Variants in ATAD2B observed in about 807,000 individuals in gnomAD.
ATAD2B encodes the protein ATPase family AAA domain-containing protein 2B.
A neutral mutation model predicts 167.6 loss-of-function variants in ATAD2B; 40 were observed. The ratio of observed to expected loss-of-function variants is 0.24; its 90% CI spans 0.19 to 0.31. ATAD2B has a LOEUF of 0.31. Among genes scored for constraint, ATAD2B ranks in the 10% least tolerant of loss-of-function variants. ATAD2B has a pLI of 1.00. For synonymous variants in ATAD2B, 579 were observed against 596.5 expected (o/e 0.97, Z 0.43); for missense variants, 1,242 against 1,757.2 (o/e 0.71, Z 5.24).
chr2:23,912,298 G>A (rs1402712348), intron 1 of ATAD2B, among the ~76,000 whole-genome samples: 1 of 151,862 alleles, frequency 6.6e-6, no homozygotes, highest in East Asian at 1.9e-4. Context: ...GGAATTTGAG[G>A]CCAGCCTGGG....
chr2:23,822,405 C>T (rs577992943), intron 16 of ATAD2B, among the ~76,000 whole-genome samples: 7 of 152,070 alleles, frequency 4.6e-5, no homozygotes, highest in East Asian at 2.0e-4. Context: ...ATTAGCTGGG[C>T]GTGGCGGCAC....
intron 13 of ATAD2B, among the ~76,000 whole-genome samples, chr2:23,844,058 C>T (rs898902115): frequency 6.6e-6 from 1 of 152,162 alleles, no homozygotes; most frequent in Non-Finnish European, 1.5e-5. Context: ...CTTGCTTCAG[C>T]CTCCCAAGTA....
At chr2:23,883,395 T>C (rs1412613083) in intron 6 of ATAD2B, among the ~76,000 whole-genome samples, 1 of 152,000 alleles carries the variant, frequency 6.6e-6, no homozygotes, top group East Asian at 1.9e-4. Context: ...ACAAATACAG[T>C]ATTTATCTAA....
chr2:23,901,283 A>G (rs945739581), intron 1 of ATAD2B: 1 of 152,114 alleles, frequency 6.6e-6, no homozygotes, highest in Non-Finnish European at 1.5e-5. Context: ...TACTGTACCA[A>G]TTTAGATAGC....
At chr2:23,858,313 G>T (rs1022125085) in intron 12 of ATAD2B, among the ~76,000 whole-genome samples, 4 of 151,342 alleles carry the variant, frequency 2.6e-5, no homozygotes, top group Admixed American at 6.6e-5. Flanking sequence ...TAGAGATGGG[G>T]TTTCATCATG....
intron 1 of ATAD2B, among the ~76,000 whole-genome samples, chr2:23,914,388 G>A (rs925330638): frequency 2.6e-5 from 4 of 152,050 alleles, no homozygotes; most frequent in African/African-American, 7.2e-5. Context: ...AACTCCAGTA[G>A]AAAATAGCAA....
In ATAD2B at chr2:23,864,382, T is replaced by G. The variant is rs888933800; in HGVS notation, c.1304+427A>C. Among the ~76,000 whole-genome samples the G allele has an allele frequency of 2.0e-5, 3 of 152,302 alleles. No homozygotes were observed. In the East Asian group the frequency reaches 5.8e-4, roughly 29 times the overall value. ...AATAGTTCCCCAGCTATCCACCTCATGATCAGGCACAATCTGTTCCTACAA... is the reference window on the plus strand; with the variant it reads ...AATAGTTCCCCAGCTATCCACCTCAGGATCAGGCACAATCTGTTCCTACAA... On this transcript the variant is annotated intron_variant, in intron 11 of 27. Transcript: ENST00000238789.
At chr2:23,836,520 T>C (rs768627142) in intron 13 of ATAD2B, among the ~76,000 whole-genome samples, 43 of 152,144 alleles carry the variant, frequency 2.8e-4, no homozygotes, top group Admixed American at 7.9e-4. Context: ...ATCTGACAGG[T>C]CCCGAGTTCT....
the ATAD2B span, among the ~76,000 whole-genome samples, chr2:23,682,257 G>A: frequency 3.9e-5 from 6 of 151,926 alleles, no homozygotes; most frequent in East Asian, 3.9e-4. This position sits in a 1 kb window ranked among gnomAD's most constrained non-coding sequence, Gnocchi z 4.1. Context: ...ACTCCCACCC[G>A]CTGAGCGCTC....
At chr2:23,754,023 CTG>C (rs1297131053) in intron 27 of ATAD2B, among the ~76,000 whole-genome samples, 154 bp downstream of exon 27, 1 of 152,166 alleles carries the variant, frequency 6.6e-6, no homozygotes, top group African/African-American at 2.4e-5. Context: ...ATTCTTCAAA[CTG>C]TAACTCTTAA....
chr2:23,696,431 C>T, the ATAD2B span: 3 of 1,551,410 alleles, frequency 1.9e-6, no homozygotes, highest in Non-Finnish European at 2.6e-6. The surrounding 1 kb of genome is among the most constrained non-coding windows in gnomAD (Gnocchi z 5.5). Flanking sequence ...CCCCCGCTGT[C>T]GGCACAATAG....
the ATAD2B span, chr2:23,706,582 C>T: frequency 1.3e-6 from 2 of 1,537,190 alleles, no homozygotes; most frequent in South Asian, 2.4e-5. Context: ...ACAACCAACA[C>T]ATGGACCCTC....
At chr2:23,882,502 TAAAAAAAAAAAA>T (rs770725105) in intron 6 of ATAD2B, among the ~76,000 whole-genome samples, 3 of 92,200 alleles carry the variant, frequency 3.3e-5, no homozygotes, top group African/African-American at 8.3e-5. Context: ...AGCCTCTATT[TAAAAAAAAAAAA>T]AAAAAAAAAA....
chr2:23,736,999 G>A, the ATAD2B span, among the ~76,000 whole-genome samples: 1 of 152,228 alleles, frequency 6.6e-6, no homozygotes, highest in Non-Finnish European at 1.5e-5. Context: ...TGGGGGAGGG[G>A]CGCCTGCATT....
chr2:23,909,769 A>G (rs565488540), intron 1 of ATAD2B, among the ~76,000 whole-genome samples: 2 of 152,320 alleles, frequency 1.3e-5, no homozygotes, highest in South Asian at 4.1e-4. Flanking sequence ...AAAACAAAGT[A>G]ATACTTATTT....
rs374767103 is a variant in ATAD2B at position 23,783,941 on chromosome 2, C to T, written c.2974-913G>A. 3.1e-4 allele frequency among the ~76,000 whole-genome samples: 47 copies of T among 152,108 alleles called. No homozygotes were observed. In the East Asian group the frequency reaches 8.3e-3, roughly 27 times the overall value. ...AAATTTACACATTCACACACACACG[C>T]ACATATATGTAATTTATATGTTTTT... is the stretch of plus-strand genomic sequence containing the variant. On this transcript the variant is annotated intron_variant, in intron 21 of 27. Coordinates refer to ENST00000238789, the MANE Select transcript of ATAD2B (RefSeq NM_017552.4).
chr2:23,687,610 G>A, the ATAD2B span, among the ~76,000 whole-genome samples: 8 of 152,338 alleles, frequency 5.3e-5, 1 homozygote, highest in African/African-American at 1.4e-4. Context: ...GAGCAGAGAC[G>A]ATGCTTCAGA....
At chr2:23,795,682 C>T (rs952395722) in intron 19 of ATAD2B, among the ~76,000 whole-genome samples, 9 of 152,168 alleles carry the variant, frequency 5.9e-5, no homozygotes, top group South Asian at 4.1e-4. Flanking sequence ...GAGTTCAAGA[C>T]CAGCCTGGCC....
the ATAD2B span, among the ~76,000 whole-genome samples, chr2:23,682,746 T>G: frequency 2.6e-5 from 4 of 151,616 alleles, no homozygotes; most frequent in Non-Finnish European, 4.4e-5. The surrounding 1 kb of genome is among the most constrained non-coding windows in gnomAD (Gnocchi z 4.1). Flanking sequence ...TGTCTGTAGC[T>G]CCCACCCCCC....
Sources: gnomAD v4.1 joint callset for allele counts (sites outside exome capture counted in the v4.1 genomes callset) on GRCh38, gnomAD v4.1.1 for gene constraint, Gnocchi (gnomAD v3.1) non-coding constraint, MANE v1.5 for transcripts, NCBI Gene and HGNC (gene_info 2026-07-23, HGNC 2026-07-21) for gene names.